The following RBFOX1 variants were observed in gnomAD, a reference collection of about 807,000 sequenced individuals.
RBFOX1 encodes RNA binding fox-1 homolog 1, also known as RNA binding protein fox-1 homolog 1.
A neutral mutation model predicts 57.7 loss-of-function variants in RBFOX1; 8 were observed. That is an observed-to-expected ratio of 0.14 (90% CI 0.08 to 0.25). The LOEUF (loss-of-function observed/expected upper bound fraction) is 0.25. Ranked by LOEUF, RBFOX1 falls within the 10% of genes least tolerant of loss-of-function variation. The pLI, the probability that RBFOX1 is intolerant of heterozygous loss-of-function variation, is 1.00. For synonymous variants in RBFOX1, 326 were observed against 222.4 expected, an observed-to-expected ratio of 1.47 and a Z score of -4.15; for missense variants, 611 against 548.5, an observed-to-expected ratio of 1.11 and a Z score of -1.14.
intron 4 of RBFOX1, among the ~76,000 whole-genome samples, chr16:7,341,769 TC>T (rs2096899192): frequency 2.7e-5 from 2 of 73,916 alleles, no homozygotes; most frequent in African/African-American, 1.2e-4. Context: ...CCTCCTTCCC[TC>T]CCTCCCTCCT....
chr16:6,467,677 C>T (rs555080218), intron 2 of RBFOX1, among the ~76,000 whole-genome samples: 76 of 152,232 alleles, frequency 5.0e-4, no homozygotes, highest in Non-Finnish European at 9.7e-4. Flanking sequence ...AGAGAAAGCC[C>T]GAGACTGCAG....
intron 14 of RBFOX1, among the ~76,000 whole-genome samples, chr16:7,682,485 C>T (rs905165385): frequency 3.4e-5 from 4 of 117,042 alleles, no homozygotes; most frequent in African/African-American, 1.2e-4. Flanking sequence ...GGCAAATAAG[C>T]CAAAGTCATA....
At chr16:6,246,683 TG>T (rs2097570811) in intron 1 of RBFOX1, among the ~76,000 whole-genome samples, 1 of 152,206 alleles carries the variant, frequency 6.6e-6, no homozygotes, top group Non-Finnish European at 1.5e-5. Flanking sequence ...TGGAGGCAAG[TG>T]TCAGACTTTG....
At chr16:6,197,545 A>G (rs1299061427) in intron 1 of RBFOX1, among the ~76,000 whole-genome samples, 2 of 140,870 alleles carry the variant, frequency 1.4e-5, no homozygotes, top group Non-Finnish European at 3.3e-5. Context: ...CTTGAACTCA[A>G]CCTGGTGCTT....
chr16:5,719,393 G>A (rs1432101219), intron 3 of RBFOX1, among the ~76,000 whole-genome samples: 1 of 149,386 alleles, frequency 6.7e-6, no homozygotes, highest in African/African-American at 2.5e-5. Context: ...TGTATTTTTA[G>A]TAGACACGGG....
Position 6,835,946 on chromosome 16 carries a change from C to T in RBFOX1, c.-16+181296C>T, listed in dbSNP as rs1315210297. 2.6e-5 allele frequency among the ~76,000 whole-genome samples: 4 copies of T among 152,070 alleles called. No individual in the cohort carries two copies. In the East Asian group the frequency reaches 7.8e-4, roughly 30 times the overall value. ...GAGCCTAAAATGATAAAGAGCAGCA[C>T]CTCCATTCCCATTCCATCTGCCAAA... On this transcript the variant is annotated intron_variant, in intron 3 of 15. Transcript: ENST00000550418.
chr16:7,266,294 T>C (rs932076135), intron 4 of RBFOX1, among the ~76,000 whole-genome samples: 3 of 151,980 alleles, frequency 2.0e-5, no homozygotes, highest in Non-Finnish European at 4.4e-5. Flanking sequence ...GTGGTGATTT[T>C]AAAGTGTGTG....
chr16:6,615,379 G>A (rs994841728), intron 2 of RBFOX1, among the ~76,000 whole-genome samples: 19 of 152,062 alleles, frequency 1.2e-4, no homozygotes, highest in African/African-American at 4.6e-4. Context: ...AGACCAGCCT[G>A]GCCAACATGC....
At chr16:6,473,564 G>C (rs1229989864) in intron 2 of RBFOX1, among the ~76,000 whole-genome samples, 4 of 151,622 alleles carry the variant, frequency 2.6e-5, no homozygotes, top group Admixed American at 2.6e-4. Context: ...AAAAAACATA[G>C]CTTCTGTTAT....
rs1263481248 is a variant in RBFOX1 at position 5,867,217 on chromosome 16, T to C, written c.319-86T>C. ...TGTCCCCTCGGGTCATAACAAATTA[T>C]TGATGCCAGTTCCTTTAAAAAGACA... On this transcript the variant is annotated intron_variant, in intron 3 of 19. Coordinates refer to the RBFOX1 transcript ENST00000641259. 11 of 921,334 alleles carry C rather than the reference T, an allele frequency of 1.2e-5. No homozygotes were observed. In the African/African-American group the frequency reaches 1.7e-4, roughly 14 times the overall value. 57.1% of individuals were successfully genotyped at this position (921,334 alleles called of 1,614,324 possible).
chr16:5,719,013 G>A (rs2051827727), intron 3 of RBFOX1, among the ~76,000 whole-genome samples: 1 of 151,674 alleles, frequency 6.6e-6, no homozygotes, highest in Non-Finnish European at 1.5e-5. Context: ...TAAGATTTCT[G>A]TAAGGATTGA....
At chr16:7,102,986 C>G (rs924270988) in intron 4 of RBFOX1, among the ~76,000 whole-genome samples, 82 of 151,786 alleles carry the variant, frequency 5.4e-4, no homozygotes, top group African/African-American at 1.9e-3. Context: ...GCTGTGTGTA[C>G]AGACACACAC....
At chr16:7,008,579 C>T (rs898049882) in intron 3 of RBFOX1, among the ~76,000 whole-genome samples, 1 of 151,620 alleles carries the variant, frequency 6.6e-6, no homozygotes, top group Non-Finnish European at 1.5e-5. Context: ...GTAAATAATT[C>T]AAGAAATTCA....
intron 2 of RBFOX1, among the ~76,000 whole-genome samples, chr16:6,639,693 G>C (rs894132190): frequency 1.3e-5 from 2 of 152,026 alleles, no homozygotes; most frequent in African/African-American, 4.8e-5. Flanking sequence ...TGGCTAACAT[G>C]ATGAAACCCT....
In RBFOX1 at chr16:6,451,552, A is replaced by T. The variant is rs76402863; in HGVS notation, c.-64+134495A>T. Among the ~76,000 whole-genome samples, 152 of 152,176 alleles carry T rather than the reference A, an allele frequency of 1.0e-3. 3 individuals carry two copies. The highest frequency in any genetic ancestry group is 3.6e-3 in the African/African-American group (148 of 41,528). On this transcript the variant is annotated intron_variant, in intron 2 of 15. Coordinates refer to ENST00000550418, the MANE Select transcript of RBFOX1 (RefSeq NM_018723.4). ...ACTTCCCCAACGTGGGGAAGATCTG[A>T]TGTGTGTTTTGTAGGTATTACCACC...
intron 14 of RBFOX1, among the ~76,000 whole-genome samples, chr16:7,687,446 T>C (rs1327716010): frequency 6.6e-6 from 1 of 152,058 alleles, no homozygotes; most frequent in Non-Finnish European, 1.5e-5. Context: ...CTTAGCTCAG[T>C]GCCTGATATG....
chr16:7,582,468 A>G (rs1485390258), intron 6 of RBFOX1, among the ~76,000 whole-genome samples: 1 of 152,198 alleles, frequency 6.6e-6, no homozygotes, highest in African/African-American at 2.4e-5. Context: ...AAAGAAATGC[A>G]GTTTTATGCA....
chr16:6,438,521 G>A (rs778395837), intron 2 of RBFOX1, among the ~76,000 whole-genome samples: 27 of 152,170 alleles, frequency 1.8e-4, no homozygotes, highest in Non-Finnish European at 3.8e-4. Flanking sequence ...ACATTGTTTG[G>A]TAGTGGACTG....
In RBFOX1 at chr16:5,386,094, A is replaced by G. The variant is rs1006921819; in HGVS notation, c.220-81122A>G. Among the ~76,000 whole-genome samples the G allele has an allele frequency of 2.1e-5, 3 of 140,110 alleles. No homozygotes were observed. In the East Asian group the frequency reaches 6.0e-4, roughly 28 times the overall value. 91.9% of individuals were successfully genotyped at this position (140,110 alleles called of 152,430 possible). On this transcript the variant is annotated intron_variant, in intron 1 of 2. Coordinates refer to the RBFOX1 transcript ENST00000585867. ...ATTTATAATCCTGTTTTGAACTTGGAAAGTTTGCAACTTTTTTTTTTTTTT... is the reference window on the plus strand; with the variant it reads ...ATTTATAATCCTGTTTTGAACTTGGGAAGTTTGCAACTTTTTTTTTTTTTT...
Sources: gnomAD v4.1 joint callset for allele counts (sites outside exome capture counted in the v4.1 genomes callset) on GRCh38, gnomAD v4.1.1 for gene constraint, MANE v1.5 for transcripts, NCBI Gene and HGNC (gene_info 2026-07-23, HGNC 2026-07-21) for gene names.